Variants in ABR observed in about 807,000 individuals in gnomAD.
ABR encodes ABR activator of RhoGEF and GTPase, also known as active breakpoint cluster region-related protein.
ABR carries 35 observed loss-of-function variants against 107.2 expected under a neutral mutation model. The ratio of observed to expected loss-of-function variants is 0.33; its 90% CI spans 0.25 to 0.43. The LOEUF is 0.43. ABR is among the 20% of genes least tolerant of loss of function. ABR has a pLI of 1.00. For missense variants in ABR, 815 were observed against 1,115.2 expected, an observed-to-expected ratio of 0.73 and a Z score of 3.83; for synonymous variants, 498 against 462.0, an observed-to-expected ratio of 1.08 and a Z score of -1.00.
At chr17:1,099,137 G>A (rs901929879) in intron 3 of ABR, among the ~76,000 whole-genome samples, 12 of 150,142 alleles carry the variant, frequency 8.0e-5, no homozygotes, top group Admixed American at 3.3e-4. Context: ...GTACAGTGGC[G>A]CACTCTCAGC....
At chr17:1,098,760 G>T (rs2037660620) in intron 3 of ABR, among the ~76,000 whole-genome samples, 2 of 152,194 alleles carry the variant, frequency 1.3e-5, no homozygotes, top group African/African-American at 4.8e-5. Context: ...AACTCCTGGA[G>T]AGATGGGACG....
rs1371602466 is a variant in ABR, at chr17:1,150,761, G to C, written c.62-25394C>G. On this transcript the variant is annotated intron_variant, in intron 1 of 22. Transcript: ENST00000302538. The surrounding 1 kb of genome is among the most constrained non-coding windows in gnomAD (Gnocchi z 4.8). Reference sequence around the variant, plus strand: ...CACTGGGAACCACGCGAGCAGGGAGGGACGAAGGGAGGAGCATCACGCACA... The same window carrying C: ...CACTGGGAACCACGCGAGCAGGGAGCGACGAAGGGAGGAGCATCACGCACA... Among the ~76,000 whole-genome samples the C allele has an allele frequency of 2.0e-5, 3 of 152,174 alleles. No homozygotes were observed. Among genetic ancestry groups the C allele is most frequent in the Admixed American group, 2.0e-4 (3 of 15,276 alleles).
At chr17:1,151,082 G>C (rs754635535) in intron 1 of ABR, among the ~76,000 whole-genome samples, 51 of 152,094 alleles carry the variant, frequency 3.4e-4, no homozygotes, top group Non-Finnish European at 6.9e-4. Context: ...TGTGACCTTG[G>C]GCAAGTCACA....
chr17:1,079,284 C>T, intron 6 of ABR, 46 bp downstream of exon 6: 1 of 1,597,888 alleles, frequency 6.3e-7, no homozygotes, highest in South Asian at 1.1e-5. Context: ...GCCTGCACAG[C>T]CAGACAAAGG....
At chr17:1,072,355 G>A (rs540399348) in intron 8 of ABR, among the ~76,000 whole-genome samples, 16 of 151,984 alleles carry the variant, frequency 1.1e-4, no homozygotes, top group Middle Eastern at 6.8e-3. Flanking sequence ...GAGGCACCCG[G>A]TGCCGCCCGT....
intron 2 of ABR, among the ~76,000 whole-genome samples, chr17:1,101,537 G>A (rs1024728238): frequency 2.6e-5 from 4 of 152,028 alleles, no homozygotes; most frequent in African/African-American, 7.3e-5. Flanking sequence ...CACCTTGCCC[G>A]ATGCTTGCCA....
chr17:1,015,028 C>T (rs1356208024), intron 16 of ABR, among the ~76,000 whole-genome samples: 1 of 152,128 alleles, frequency 6.6e-6, no homozygotes. Context: ...CAAAAAAAAT[C>T]TGTATACATT....
Position 1,081,988 on chromosome 17 carries a change from G to A in ABR, c.639+1532C>T, listed in dbSNP as rs181067487. 2.8e-3 allele frequency among the ~76,000 whole-genome samples: 426 copies of A among 151,982 alleles called. 3 individuals carry two copies. Among genetic ancestry groups the A allele is most frequent in the African/African-American group, 9.1e-3 (377 of 41,456 alleles). Reference sequence around the variant, plus strand: ...TTTTTAACAGTAATGAAGGTGACATGTTCATCTCCAACTGTCAGCTTCTCT... The same window carrying A: ...TTTTTAACAGTAATGAAGGTGACATATTCATCTCCAACTGTCAGCTTCTCT... On this transcript the variant is annotated intron_variant, in intron 5 of 22. Transcript: ENST00000302538.
At chr17:1,165,061 C>A (rs2041453503) in intron 1 of ABR, among the ~76,000 whole-genome samples, 1 of 152,172 alleles carries the variant, frequency 6.6e-6, no homozygotes, top group African/African-American at 2.4e-5. Flanking sequence ...TAAGATTGTT[C>A]CCATTCTAAA....
Position 1,060,731 on chromosome 17 carries a change from A to G in ABR, c.1183-1864T>C, listed in dbSNP as rs1018025563. Among the ~76,000 whole-genome samples, 10 of 151,916 alleles carry G rather than the reference A, an allele frequency of 6.6e-5. 1 individual carries two copies. The highest frequency in any genetic ancestry group is 2.4e-4 in the African/African-American group (10 of 41,368). On this transcript the variant is annotated intron_variant, in intron 10 of 22. Transcript: ENST00000302538. ...AACAAGGCTGAGCACGGTGGCTCAC[A>G]CCTGTCATCCCAGCACTTTGGGAGG...
rs2040880649 is a variant in ABR, at chr17:1,153,377, AGGGCTGGGGATCCAGGCACACCTG to A, written c.61+26266_61+26289del. ...CCCCAGCAGATGGCACACCTGCGGG[AGGGCTGGGGATCCAGGCACACCTG>A]CGGGAGGGCTGGGGGTCCAGGCACA... On this transcript the variant is annotated intron_variant, in intron 1 of 22. Coordinates refer to ENST00000302538, the MANE Select transcript of ABR (RefSeq NM_021962.5). Among the ~76,000 whole-genome samples, 19 of 148,482 alleles carry A rather than the reference AGGGCTGGGGATCCAGGCACACCTG, an allele frequency of 1.3e-4. No individual in the cohort carries two copies. The East Asian group carries it at 3.0e-3, about 24-fold the overall frequency.
intron 16 of ABR, among the ~76,000 whole-genome samples, chr17:1,038,395 G>A (rs946844369): frequency 1.3e-5 from 2 of 152,206 alleles, no homozygotes; most frequent in East Asian, 3.9e-4. Context: ...TCCCTCCTTT[G>A]GGAAACTCAG....
In ABR at chr17:1,011,588, C is replaced by G; in HGVS notation, c.2101+258G>C. ...CTGGAGTCAGATCTGAGTTTTAAGT[C>G]CAGAACCAAAACCTACAAGTTGGGT... On this transcript the variant is annotated intron_variant, in intron 19 of 22. Transcript: ENST00000302538. This position sits in a 1 kb window ranked among gnomAD's most constrained non-coding sequence, Gnocchi z 4.8. 2.9e-6 allele frequency: 1 copy of G among 347,276 alleles called. No homozygotes were observed. The allele number at this position is 347,276 out of a possible 1,614,324, so 21.5% of individuals were successfully genotyped here.
At chr17:1,185,679 A>C (rs1415606983) in intron 1 of ABR, among the ~76,000 whole-genome samples, 1 of 147,150 alleles carries the variant, frequency 6.8e-6, no homozygotes, top group Non-Finnish European at 1.5e-5. Flanking sequence ...AAAAAAAAAA[A>C]AGAAGGTATG....
intron 9 of ABR, 73 bp from the exon 10 acceptor site, chr17:1,067,315 A>C: frequency 7.5e-7 from 1 of 1,329,910 alleles, no homozygotes; most frequent in Non-Finnish European, 9.8e-7. Flanking sequence ...TGGGTCCAGA[A>C]CCACAGAACC....
At chr17:1,206,871 G>T (rs7342873) in intron 1 of ABR, among the ~76,000 whole-genome samples, 2 of 152,016 alleles carry the variant, frequency 1.3e-5, no homozygotes, top group South Asian at 2.1e-4. Context: ...GATCACCTGA[G>T]GCCAGGAGTT....
At chr17:1,189,726 G>A (rs562713768), upstream of ABR, among the ~76,000 whole-genome samples, 33 of 152,120 alleles carry the variant, frequency 2.2e-4, no homozygotes, top group African/African-American at 7.0e-4. Context: ...GAGCTTTCCC[G>A]ACCCACCAGA....
intron 4 of ABR, among the ~76,000 whole-genome samples, chr17:1,086,543 C>T (rs1282857622): frequency 1.3e-5 from 2 of 151,428 alleles, no homozygotes; most frequent in East Asian, 3.9e-4. Flanking sequence ...CTCTGTCAAC[C>T]AGGCCGGAGT....
intron 16 of ABR, among the ~76,000 whole-genome samples, chr17:1,043,259 C>G (rs1042701458): frequency 6.6e-6 from 1 of 152,158 alleles, no homozygotes; most frequent in South Asian, 2.1e-4. Context: ...CCTCTGCCTC[C>G]CAGGTTCAAG....
Sources: gnomAD v4.1 joint callset for allele counts (sites outside exome capture counted in the v4.1 genomes callset) on GRCh38, gnomAD v4.1.1 for gene constraint, Gnocchi (gnomAD v3.1) non-coding constraint, MANE v1.5 for transcripts, NCBI Gene and HGNC (gene_info 2026-07-23, HGNC 2026-07-21) for gene names.